C1orf21: variants seen among roughly 807,000 people sequenced by gnomAD.
The protein encoded by C1orf21 is chromosome 1 open reading frame 21.
C1orf21 carries 3 observed loss-of-function variants against 18.7 expected under a neutral mutation model. The observed-to-expected ratio is 0.16, with a 90% confidence interval of 0.07 to 0.42. C1orf21 has a LOEUF of 0.42. Ranked by LOEUF, C1orf21 falls within the 10% of genes least tolerant of loss-of-function variation. The probability of loss-of-function intolerance (pLI) is 0.99; values close to 1 mark genes in which losing one functional copy is unlikely to be tolerated. For missense variants in C1orf21, 104 were observed against 143.6 expected (o/e 0.72, Z 1.41); for synonymous variants, 41 against 46.4 (o/e 0.88, Z 0.47).
chr1:184,522,934 T>G (rs530565173), intron 3 of C1orf21, among the ~76,000 whole-genome samples: 1 of 152,270 alleles, frequency 6.6e-6, no homozygotes, highest in African/African-American at 2.4e-5. Context: ...GCAATCCACC[T>G]GCCTCGGCCT....
At chr1:184,596,170 T>G (rs1358728044) in intron 4 of C1orf21, among the ~76,000 whole-genome samples, 1 of 152,196 alleles carries the variant, frequency 6.6e-6, no homozygotes, top group Non-Finnish European at 1.5e-5. Context: ...GTATGAGTAC[T>G]GACCAAACGT....
Position 184,423,859 on chromosome 1 carries a change from GTCCATCCA to G in C1orf21, c.-125+36526_-125+36533del, listed in dbSNP as rs3033528. On this transcript the variant is annotated intron_variant, in intron 1 of 5. Transcript: ENST00000235307. ...CCCTCCACTCATCCATCCACCCATC[GTCCATCCA>G]TCCATCCATCCATCCATCCATCCAT... is the stretch of plus-strand genomic sequence containing the variant. 5.1e-3 allele frequency among the ~76,000 whole-genome samples: 749 copies of G among 147,066 alleles called. 6 individuals are homozygous for G. Among genetic ancestry groups the G allele is most frequent in the Middle Eastern group, 0.024 (7 of 290 alleles).
chr1:184,497,554 G>A (rs1390226191), intron 2 of C1orf21, among the ~76,000 whole-genome samples: 3 of 152,226 alleles, frequency 2.0e-5, no homozygotes, highest in African/African-American at 7.2e-5. Flanking sequence ...GAGATCTGCA[G>A]TGGAAAGTCA....
At chr1:184,546,033 GTAAGTA>G (rs1658722997) in intron 3 of C1orf21, 2 of 152,328 alleles carry the variant, frequency 1.3e-5, no homozygotes, top group Non-Finnish European at 1.5e-5. Context: ...GATTTATTCA[GTAAGTA>G]TAAGTAAATC....
chr1:184,549,576 A>C (rs141052417), intron 3 of C1orf21, among the ~76,000 whole-genome samples: 3 of 151,786 alleles, frequency 2.0e-5, no homozygotes, highest in Middle Eastern at 3.5e-3. Context: ...TTCCTTACTC[A>C]TACTTTTCCC....
At chr1:184,403,388 A>G (rs914301974) in intron 1 of C1orf21, among the ~76,000 whole-genome samples, 12 of 152,216 alleles carry the variant, frequency 7.9e-5, no homozygotes, top group Admixed American at 2.0e-4. Flanking sequence ...CTAAAGTAAT[A>G]TATTGTTTAA....
chr1:184,530,165 A>G (rs571188226), intron 3 of C1orf21, among the ~76,000 whole-genome samples: 122 of 152,328 alleles, frequency 8.0e-4, no homozygotes, highest in Middle Eastern at 3.4e-3. Context: ...CATATCCCAT[A>G]CATGCTCTAT....
chr1:184,388,034 T>C (rs1263053945), intron 1 of C1orf21, among the ~76,000 whole-genome samples: 1 of 152,200 alleles, frequency 6.6e-6, no homozygotes, highest in Non-Finnish European at 1.5e-5. Context: ...CACTCTCCTC[T>C]GCAGGCAGTT....
chr1:184,566,599 C>T, intron 3 of C1orf21: 1 of 373,542 alleles, frequency 2.7e-6, no homozygotes, highest in South Asian at 2.6e-5. Flanking sequence ...AGACTGCTTC[C>T]CTGGTGTGCC....
rs529341056 is a variant in C1orf21, at chr1:184,608,986, A to G, written c.327+10525A>G. Among the ~76,000 whole-genome samples the G allele has an allele frequency of 2.6e-5, 4 of 152,294 alleles. No individual in the cohort carries two copies. The East Asian group carries it at 7.7e-4, about 29-fold the overall frequency. On this transcript the variant is annotated intron_variant, in intron 5 of 5. Coordinates refer to ENST00000235307, the MANE Select transcript of C1orf21 (RefSeq NM_030806.4). ...AGAGGGCCCTCCCATCAATAGCTGAAGTCTTCTTCCTGGCCAAATGCATGT... is the reference window on the plus strand; with the variant it reads ...AGAGGGCCCTCCCATCAATAGCTGAGGTCTTCTTCCTGGCCAAATGCATGT...
chr1:184,584,681 G>A (rs1424678395), intron 3 of C1orf21, among the ~76,000 whole-genome samples: 1 of 152,160 alleles, frequency 6.6e-6, no homozygotes, highest in African/African-American at 2.4e-5. Flanking sequence ...GTCCATCAAG[G>A]GATGGGGAGA....
At chr1:184,570,772 G>A (rs2101989780) in intron 3 of C1orf21, among the ~76,000 whole-genome samples, 1 of 152,288 alleles carries the variant, frequency 6.6e-6, no homozygotes, top group South Asian at 2.1e-4. Context: ...CACAGTCATG[G>A]GTTGCTTAAC....
At chr1:184,575,997 G>C (rs534803944) in intron 3 of C1orf21, among the ~76,000 whole-genome samples, 1 of 152,148 alleles carries the variant, frequency 6.6e-6, no homozygotes, top group African/African-American at 2.4e-5. Flanking sequence ...AATGGGAGAC[G>C]GGGACAGAGG....
Position 184,454,481 on chromosome 1 carries a change from T to G in C1orf21, c.-124-22905T>G, listed in dbSNP as rs80139089. Among the ~76,000 whole-genome samples the G allele has an allele frequency of 3.9e-5, 6 of 152,268 alleles. No homozygotes were observed. In the East Asian group the frequency reaches 1.2e-3, roughly 29 times the overall value. ...TGAGGTCTTCAATATTGATATGGTT[T>G]GGTTCTGTGTCCCCACCAAATCTCA... On this transcript the variant is annotated intron_variant, in intron 1 of 5. Coordinates refer to ENST00000235307, the MANE Select transcript of C1orf21 (RefSeq NM_030806.4).
At chr1:184,392,819 CTTTTTTTTTTTTT>C (rs397861528) in intron 1 of C1orf21, among the ~76,000 whole-genome samples, 1 of 96,842 alleles carries the variant, frequency 1.0e-5, no homozygotes, top group South Asian at 4.0e-4. Flanking sequence ...GACATTCCTC[CTTTTTTTTTTTTT>C]TTTTTTTTTT....
chr1:184,608,415 G>A (rs115670719), intron 5 of C1orf21, among the ~76,000 whole-genome samples: 179 of 152,302 alleles, frequency 1.2e-3, no homozygotes, highest in Non-Finnish European at 2.0e-3. Flanking sequence ...GCTAACATAT[G>A]GGCTATGGGC....
chr1:184,542,979 C>A (rs775602496), intron 3 of C1orf21, among the ~76,000 whole-genome samples: 2 of 152,166 alleles, frequency 1.3e-5, no homozygotes, highest in Non-Finnish European at 2.9e-5. Flanking sequence ...GGGGATGATA[C>A]TGCTTAGTGC....
chr1:184,531,130 G>A (rs947101433), intron 3 of C1orf21, among the ~76,000 whole-genome samples: 9 of 152,182 alleles, frequency 5.9e-5, no homozygotes, highest in Non-Finnish European at 1.3e-4. Flanking sequence ...GCCTAAAACA[G>A]ATAGGGCTTC....
chr1:184,487,496 A>G (rs960662675), intron 2 of C1orf21, among the ~76,000 whole-genome samples: 1 of 152,230 alleles, frequency 6.6e-6, no homozygotes, highest in East Asian at 1.9e-4. Flanking sequence ...GGTGGCTACA[A>G]TGGCAGATGC....
Sources: allele counts gnomAD v4.1 joint callset (sites outside exome capture counted in the v4.1 genomes callset), GRCh38; gene constraint gnomAD v4.1.1; transcripts MANE v1.5; gene names NCBI Gene and HGNC (gene_info 2026-07-23, HGNC 2026-07-21).